Variants in ENAH observed in about 807,000 individuals in gnomAD.
ENAH encodes the protein ENAH actin regulator, also known as protein enabled homolog.
ENAH carries 23 observed loss-of-function variants against 78.7 expected under a neutral mutation model. The ratio of observed to expected loss-of-function variants is 0.29; its 90% confidence interval spans 0.21 to 0.41. The LOEUF (loss-of-function observed/expected upper bound fraction) is 0.41. Among genes scored for constraint, ENAH ranks in the 10% least tolerant of loss-of-function variants. The pLI is 1.00. For missense variants in ENAH, 544 were observed against 691.0 expected (o/e 0.79, Z 2.39); for synonymous variants, 226 against 241.0 (o/e 0.94, Z 0.58).
At chr1:225,567,480 C>T in intron 1 of ENAH, 66 bp from the exon 2 acceptor site, 2 of 1,480,198 alleles carry the variant, frequency 1.4e-6, no homozygotes, top group South Asian at 1.3e-5. Flanking sequence ...TTCCACATAG[C>T]CACACAAACC....
At chr1:225,562,355 G>A (rs985459951) in intron 2 of ENAH, among the ~76,000 whole-genome samples, 4 of 151,516 alleles carry the variant, frequency 2.6e-5, no homozygotes, top group East Asian at 2.0e-4. Context: ...GGCAGATCAC[G>A]AGGTCAGGAG....
chr1:225,547,582 C>T (rs2096621139), intron 3 of ENAH, among the ~76,000 whole-genome samples: 1 of 152,178 alleles, frequency 6.6e-6, no homozygotes, highest in Admixed American at 6.5e-5. Context: ...CAAACCACAG[C>T]TAGCTTTCTG....
At chr1:225,598,918 A>G (rs1283863027) in intron 1 of ENAH, among the ~76,000 whole-genome samples, 1 of 152,176 alleles carries the variant, frequency 6.6e-6, no homozygotes, top group Non-Finnish European at 1.5e-5. Flanking sequence ...GTTTCAAAGC[A>G]TCACTCTACA....
intron 4 of ENAH, among the ~76,000 whole-genome samples, chr1:225,527,304 T>G (rs1177276099): frequency 3.3e-5 from 5 of 152,232 alleles, no homozygotes; most frequent in Admixed American, 3.3e-4. Flanking sequence ...TATTTTATTG[T>G]GCCTCTGAAG....
intron 1 of ENAH, among the ~76,000 whole-genome samples, chr1:225,570,874 A>C (rs895109703): frequency 6.6e-6 from 1 of 152,012 alleles, no homozygotes; most frequent in African/African-American, 2.4e-5. Flanking sequence ...GAGGTAGGAG[A>C]ATCGCTTGAA....
intron 1 of ENAH, among the ~76,000 whole-genome samples, chr1:225,624,450 C>T (rs1052768361): frequency 2.6e-5 from 4 of 151,964 alleles, no homozygotes; most frequent in African/African-American, 9.7e-5. Flanking sequence ...ATGGTGAAAC[C>T]GCGTCTATAC....
chr1:225,512,044 C>A (rs554808848), intron 9 of ENAH, among the ~76,000 whole-genome samples, 185 bp from the exon 10 acceptor site: 1 of 152,334 alleles, frequency 6.6e-6, no homozygotes, highest in East Asian at 1.9e-4. Flanking sequence ...TTCCCTTCAA[C>A]CCTCCCCACA....
At chr1:225,511,251 T>C (rs1012312265) in intron 10 of ENAH, among the ~76,000 whole-genome samples, 5 of 152,324 alleles carry the variant, frequency 3.3e-5, no homozygotes, top group South Asian at 2.1e-4. Flanking sequence ...CATGTGAATA[T>C]GTAATGAGTT....
intron 11 of ENAH, among the ~76,000 whole-genome samples, chr1:225,503,956 G>GTT (rs2096305238): frequency 6.6e-6 from 1 of 150,426 alleles, no homozygotes. Context: ...TAACCTATGG[G>GTT]TTTTCATCAT....
At position 225,513,036 on chromosome 1, in the gene ENAH, C is replaced by T; in HGVS notation, c.1219-20G>A. ...CTCCATCTTAATGAGAATATACAGACATAATCAACTCCTATGTTAGACAAC... is the reference window on the plus strand; with the variant it reads ...CTCCATCTTAATGAGAATATACAGATATAATCAACTCCTATGTTAGACAAC... On this transcript the variant is annotated intron_variant, in intron 7 of 13. Transcript: ENST00000366843. The T allele has an allele frequency of 6.3e-7, 1 of 1,584,732 alleles. No individual in the cohort carries two copies. The highest frequency in any genetic ancestry group is 8.6e-7 in the Non-Finnish European group (1 of 1,167,018).
intron 3 of ENAH, among the ~76,000 whole-genome samples, chr1:225,542,236 A>G (rs890828088): frequency 6.6e-6 from 1 of 152,218 alleles, no homozygotes; most frequent in Non-Finnish European, 1.5e-5. Context: ...GACTCTATGA[A>G]TAACGCCAAC....
At chr1:225,517,784 T>C (rs1445500430) in intron 5 of ENAH, 6 of 1,551,018 alleles carry the variant, frequency 3.9e-6, no homozygotes, top group Admixed American at 3.9e-5. Context: ...CCTAAAGATG[T>C]TGCAAAACGT....
chr1:225,505,039 C>T, intron 11 of ENAH: 1 of 1,611,696 alleles, frequency 6.2e-7, no homozygotes, highest in African/African-American at 1.3e-5. Flanking sequence ...CTGATTTTTC[C>T]TTGGAGAATC....
At chr1:225,649,807 C>T (rs1478833198) in intron 1 of ENAH, among the ~76,000 whole-genome samples, 3 of 152,134 alleles carry the variant, frequency 2.0e-5, no homozygotes, top group African/African-American at 7.2e-5. Context: ...AAATTAAAGT[C>T]ATCTGACAGA....
At chr1:225,554,614 A>C (rs1029055287) in intron 3 of ENAH, among the ~76,000 whole-genome samples, 2 of 152,196 alleles carry the variant, frequency 1.3e-5, no homozygotes, top group African/African-American at 4.8e-5. Flanking sequence ...AGTGTTTCTA[A>C]AGCAGGATGA....
At chr1:225,604,621 CAAA>C (rs762454618) in intron 1 of ENAH, among the ~76,000 whole-genome samples, 7 of 88,942 alleles carry the variant, frequency 7.9e-5, no homozygotes, top group African/African-American at 2.3e-4. Context: ...CCGTCTCTAC[CAAA>C]AAAAAAAAAA....
intron 10 of ENAH, among the ~76,000 whole-genome samples, chr1:225,508,986 A>G (rs941249062): frequency 2.0e-5 from 3 of 152,182 alleles, no homozygotes; most frequent in African/African-American, 7.2e-5. Flanking sequence ...TTGGTTCTGG[A>G]TTTCTTGTTG....
At chr1:225,636,975 C>G (rs1202453975) in intron 1 of ENAH, among the ~76,000 whole-genome samples, 1 of 152,104 alleles carries the variant, frequency 6.6e-6, no homozygotes, top group Non-Finnish European at 1.5e-5. Flanking sequence ...GAGGTGAGCA[C>G]AGAGAAGGCA....
At chr1:225,512,412 T>G (rs2096384260) in intron 9 of ENAH, among the ~76,000 whole-genome samples, 1 of 152,338 alleles carries the variant, frequency 6.6e-6, no homozygotes, top group Admixed American at 6.5e-5. Flanking sequence ...AGAATTAAAC[T>G]CCACAGGTTT....
Sources: gnomAD v4.1 joint callset for allele counts (sites outside exome capture counted in the v4.1 genomes callset) on GRCh38, gnomAD v4.1.1 for gene constraint, MANE v1.5 for transcripts, NCBI Gene and HGNC (gene_info 2026-07-23, HGNC 2026-07-21) for gene names.